Variants in TMEM63C observed in about 807,000 individuals in gnomAD.
The protein encoded by TMEM63C is osmosensitive cation channel TMEM63C.
A neutral mutation model predicts 99.2 loss-of-function variants in TMEM63C; 32 were observed. The observed-to-expected ratio is 0.32, with a 90% CI of 0.24 to 0.43. The LOEUF (loss-of-function observed/expected upper bound fraction) is 0.43, where lower values mean the gene tolerates loss of function less well. Among genes scored for constraint, TMEM63C ranks in the 20% least tolerant of loss-of-function variants. The probability of loss-of-function intolerance (pLI) is 1.00; values close to 1 mark genes in which losing one functional copy is unlikely to be tolerated. For missense variants in TMEM63C, 826 were observed against 1,053.0 expected (o/e 0.78, Z 2.98); for synonymous variants, 376 against 397.9 (o/e 0.94, Z 0.66).
At chr14:77,189,543 G>A (rs566653147) in intron 1 of TMEM63C, among the ~76,000 whole-genome samples, 1 of 152,222 alleles carries the variant, frequency 6.6e-6, no homozygotes, top group Non-Finnish European at 1.5e-5. Flanking sequence ...AGCTGAGACT[G>A]AAAGGGGAAA....
intron 4 of TMEM63C, 129 bp downstream of exon 4, chr14:77,219,706 C>A: frequency 1.1e-6 from 1 of 942,620 alleles, no homozygotes; most frequent in Non-Finnish European, 1.7e-6. Context: ...TCTGCCCCTG[C>A]TCTGCCCTCC....
intron 1 of TMEM63C, among the ~76,000 whole-genome samples, chr14:77,185,103 A>G (rs968202163): frequency 1.3e-5 from 2 of 152,160 alleles, no homozygotes; most frequent in Non-Finnish European, 2.9e-5. Context: ...CCCCAAAGGG[A>G]AACCGAAGCA....
rs1174646337 is a variant in TMEM63C at position 77,222,633 on chromosome 14, T to C, written c.312+2546T>C. On this transcript the variant is annotated intron_variant, in intron 5 of 23. Transcript: ENST00000298351. ...AACTCCCCTATCCCTGCCACATGAG[T>C]CCACCGTTTAGCTTCTCAACAGGGC... is the stretch of plus-strand genomic sequence containing the variant. Among the ~76,000 whole-genome samples the C allele has an allele frequency of 5.3e-5, 8 of 151,998 alleles. 1 individual carries two copies. Among genetic ancestry groups the C allele is most frequent in the Non-Finnish European group, 1.2e-4 (8 of 68,000 alleles).
intron 6 of TMEM63C, among the ~76,000 whole-genome samples, chr14:77,226,767 ATTT>A (rs10709163): frequency 0.12 from 15,161 of 129,450 alleles, 1,087 homozygotes; most frequent in African/African-American, 0.22. Flanking sequence ...ATCAGTTGGG[ATTT>A]TTTTTTTTTT....
chr14:77,219,150 A>G (rs973976694), intron 3 of TMEM63C, among the ~76,000 whole-genome samples, 187 bp downstream of exon 3: 2 of 152,262 alleles, frequency 1.3e-5, no homozygotes, highest in Non-Finnish European at 2.9e-5. Context: ...AGGAACAGGC[A>G]GAATTCCTGG....
intron 2 of TMEM63C, among the ~76,000 whole-genome samples, chr14:77,215,614 AAAAAG>A (rs59134916): frequency 2.6e-5 from 2 of 76,528 alleles, no homozygotes; most frequent in African/African-American, 1.1e-4. Flanking sequence ...AAAAAAAAAA[AAAAAG>A]AAAAGAAAAG....
intron 17 of TMEM63C, among the ~76,000 whole-genome samples, 171 bp from the exon 18 acceptor site, chr14:77,246,438 G>T (rs1005493394): frequency 6.6e-6 from 1 of 152,244 alleles, no homozygotes; most frequent in African/African-American, 2.4e-5. Flanking sequence ...AGGCCAAAGG[G>T]CTCGGGGCCA....
At chr14:77,221,563 A>C (rs1017024004) in intron 5 of TMEM63C, among the ~76,000 whole-genome samples, 1 of 3,178 alleles carries the variant, frequency 3.1e-4, no homozygotes, top group East Asian at 5.9e-3. Context: ...CTCCCCTCCC[A>C]CTCATGCCCC....
intron 5 of TMEM63C, among the ~76,000 whole-genome samples, chr14:77,220,951 CTCGCCTCCCCTCCCACT>C (rs1888690487): frequency 5.0e-5 from 1 of 19,942 alleles, no homozygotes; most frequent in African/African-American, 1.2e-4. Flanking sequence ...CCCTCCCACT[CTCGCCTCCCCTCCCACT>C]CTCGCCTCCC....
At chr14:77,194,553 C>CTTTCTT (rs56115104) in intron 1 of TMEM63C, among the ~76,000 whole-genome samples, 3 of 125,036 alleles carry the variant, frequency 2.4e-5, no homozygotes, top group Non-Finnish European at 3.3e-5. Flanking sequence ...TTCTTTCTTT[C>CTTTCTT]TCTTTCTTTC....
At chr14:77,208,391 C>A (rs757973368) in intron 1 of TMEM63C, among the ~76,000 whole-genome samples, 1 of 152,200 alleles carries the variant, frequency 6.6e-6, no homozygotes, top group African/African-American at 2.4e-5. Context: ...ACACCACCCC[C>A]TCCCTGGGAG....
At chr14:77,237,926 A>T (rs1889089188) in intron 9 of TMEM63C, among the ~76,000 whole-genome samples, 1 of 152,224 alleles carries the variant, frequency 6.6e-6, no homozygotes, top group African/African-American at 2.4e-5. Flanking sequence ...GGACTGATTC[A>T]CTTGAACCCA....
intron 6 of TMEM63C, among the ~76,000 whole-genome samples, chr14:77,228,389 C>T (rs897372349): frequency 1.4e-5 from 2 of 138,568 alleles, no homozygotes; most frequent in African/African-American, 4.9e-5. Context: ...AAGTTCTCAT[C>T]CATTCCACTT....
intron 5 of TMEM63C, among the ~76,000 whole-genome samples, chr14:77,222,827 A>G (rs980214529): frequency 1.5e-4 from 23 of 152,238 alleles, no homozygotes; most frequent in African/African-American, 5.1e-4. Flanking sequence ...TAGCCACAGA[A>G]AATGCATTCC....
At chr14:77,203,254 C>A (rs61991600) in intron 1 of TMEM63C, among the ~76,000 whole-genome samples, 1 of 151,592 alleles carries the variant, frequency 6.6e-6, no homozygotes, top group East Asian at 1.9e-4. Context: ...TGGTGGTGGG[C>A]GCCTGTAGTC....
intron 1 of TMEM63C, among the ~76,000 whole-genome samples, chr14:77,212,760 TC>T (rs1888513530): frequency 6.6e-6 from 1 of 152,074 alleles, no homozygotes; most frequent in African/African-American, 2.4e-5. Flanking sequence ...TCCTTTCTTT[TC>T]CTCCCTCACT....
chr14:77,202,905 C>G (rs909136010), intron 1 of TMEM63C, among the ~76,000 whole-genome samples: 2 of 148,984 alleles, frequency 1.3e-5, no homozygotes, highest in Non-Finnish European at 3.0e-5. Context: ...GAACTGAGCT[C>G]CTGAGAGGAG....
chr14:77,219,247 C>T (rs1366754867), intron 3 of TMEM63C, among the ~76,000 whole-genome samples: 2 of 152,172 alleles, frequency 1.3e-5, no homozygotes, highest in African/African-American at 4.8e-5. Flanking sequence ...ACATTCTGGT[C>T]CCATAGATCT....
At position 77,218,926 on chromosome 14, in the gene TMEM63C, TC is replaced by T; in HGVS notation, c.117del (p.Thr40ProfsTer33). The T allele has an allele frequency of 1.2e-6, 2 of 1,607,836 alleles. No homozygotes were observed. Among genetic ancestry groups the T allele is most frequent in the Non-Finnish European group, 1.7e-6 (2 of 1,177,202 alleles). On this transcript the variant is annotated frameshift_variant, in exon 3 of 24. Coordinates refer to ENST00000298351, the MANE Select transcript of TMEM63C (RefSeq NM_020431.4). LOFTEE classifies it high-confidence loss of function. ...TVLQGQPFGG[V>X]PTVLCLNIAL... ...CTCCAGGGGCAGCCCTTTGGGGGTG[TC>T]CCCACCGTGCTGTGCCTCAACATCG...
Sources: gnomAD v4.1 joint callset for allele counts (sites outside exome capture counted in the v4.1 genomes callset) on GRCh38, gnomAD v4.1.1 for gene constraint, MANE v1.5 for transcripts, NCBI Gene and HGNC (gene_info 2026-07-23, HGNC 2026-07-21) for gene names.